OR2G6: variants seen among roughly 807,000 people sequenced by gnomAD.
OR2G6 encodes the protein olfactory receptor family 2 subfamily G member 6, also known as olfactory receptor 2G6.
For synonymous variants in OR2G6, 183 were observed against 155.2 expected, an observed-to-expected ratio of 1.18 and a Z score of -1.33; for missense variants, 457 against 391.3, an observed-to-expected ratio of 1.17 and a Z score of -1.42.
In OR2G6 at chr1:248,520,411, TTA is replaced by T. The variant is rs775185907; in HGVS notation, c.-36-1197_-36-1196del. Reference sequence around the variant, plus strand: ...ACGTTCTGCACATGTACCCTAGAACTTATAGTTTAAAAAAAAGTTTGCTTTGG... The same window carrying T: ...ACGTTCTGCACATGTACCCTAGAACTTAGTTTAAAAAAAAGTTTGCTTTGG... On this transcript the variant is annotated intron_variant, in intron 1 of 1. Coordinates refer to ENST00000641804, the MANE Select transcript of OR2G6 (RefSeq NM_001013355.2). Among the ~76,000 whole-genome samples, 5 of 152,264 alleles carry T rather than the reference TTA, an allele frequency of 3.3e-5. No individual in the cohort carries two copies. In the South Asian group the frequency reaches 8.3e-4, roughly 25 times the overall value.
Position 248,522,147 on chromosome 1 carries a change from C to T in OR2G6, c.501C>T (p.Pro167=). ...LIQCSLTVQL[P]LCGHRTLDHI... ...AGTGCTCCCTCACTGTGCAGCTGCC[C>T]CTCTGTGGTCATCGCACACTGGATC... Residue 167 remains proline, a synonymous_variant, in exon 2 of 2, where the codon CCC becomes CCT. Coordinates refer to ENST00000641804, the MANE Select transcript of OR2G6 (RefSeq NM_001013355.2). 1 of 1,614,148 alleles carries T rather than the reference C, an allele frequency of 6.2e-7. No individual in the cohort carries two copies. The highest frequency in any genetic ancestry group is 8.5e-7 in the Non-Finnish European group (1 of 1,180,026).
At position 248,523,580 on chromosome 1, in the gene OR2G6, T is replaced by C. The variant is rs1487182746; in HGVS notation, c.*983T>C. ...ACGTTAACGATCATAGTTATATGTT[T>C]GGTTTCCAAAACAGCAAAAAAAATG... is the stretch of plus-strand genomic sequence containing the variant. On this transcript the variant is annotated 3_prime_UTR_variant, in exon 2 of 2. Coordinates refer to ENST00000641804, the MANE Select transcript of OR2G6 (RefSeq NM_001013355.2). 1.3e-5 allele frequency: 2 copies of C among 152,212 alleles called. No homozygotes were observed. Among genetic ancestry groups the C allele is most frequent in the Admixed American group, 6.5e-5 (1 of 15,284 alleles). 9.4% of individuals were successfully genotyped at this position (152,212 alleles called of 1,614,324 possible).
At position 248,525,664 on chromosome 1, in the gene OR2G6, C is replaced by T. The variant is rs1160221209; in HGVS notation, c.*3067C>T. 1 of 152,026 alleles carries T rather than the reference C, an allele frequency of 6.6e-6. No homozygotes were observed. 9.4% of individuals were successfully genotyped at this position (152,026 alleles called of 1,614,324 possible). On this transcript the variant is annotated 3_prime_UTR_variant, in exon 2 of 2. Transcript: ENST00000641804. ...TGATACTGTGAAGAAACTGCATTAC[C>T]TAATGTGCAAAATAACCAGCTAGCA...
chr1:248,525,352 C>G lies in OR2G6; in HGVS notation c.*2755C>G, dbSNP rs371095656. On this transcript the variant is annotated 3_prime_UTR_variant, in exon 2 of 2. Transcript: ENST00000641804. ...AAAAAACTATCACTTAGTTAAATGA[C>G]CATTCAGTATTGCAATTATTTAAAA... 4 of 152,202 alleles carry G rather than the reference C, an allele frequency of 2.6e-5. No individual in the cohort carries two copies. Among genetic ancestry groups the G allele is most frequent in the African/African-American group, 7.2e-5 (3 of 41,530 alleles). The allele number at this position is 152,202 out of a possible 1,614,324, so 9.4% of individuals were successfully genotyped here. A position where few individuals can be genotyped will look rare whatever the true frequency, so the allele number is the denominator to read the frequency against.
rs542302468 is a variant in OR2G6 at position 248,523,444 on chromosome 1, A to T, written c.*847A>T. On this transcript the variant is annotated 3_prime_UTR_variant, in exon 2 of 2. Coordinates refer to ENST00000641804, the MANE Select transcript of OR2G6 (RefSeq NM_001013355.2). Reference sequence around the variant, plus strand: ...TATACTAAAATGTGTTTTAACATTTATACAAAATTCATAAAATAAGTTATT... The same window carrying T: ...TATACTAAAATGTGTTTTAACATTTTTACAAAATTCATAAAATAAGTTATT... 75 of 152,328 alleles carry T rather than the reference A, an allele frequency of 4.9e-4. No individual in the cohort carries two copies. Among genetic ancestry groups the T allele is most frequent in the African/African-American group, 1.8e-3 (73 of 41,578 alleles). 9.4% of individuals were successfully genotyped at this position (152,328 alleles called of 1,614,324 possible). A position where few individuals can be genotyped will look rare whatever the true frequency, so the allele number is the denominator to read the frequency against.
In OR2G6 at chr1:248,526,838, GGTT is replaced by G. The variant is rs887010692; in HGVS notation, c.*4242_*4244del. 2 of 141,996 alleles carry G rather than the reference GGTT, an allele frequency of 1.4e-5. No homozygotes were observed. The highest frequency in any genetic ancestry group is 2.9e-5 in the African/African-American group (1 of 34,522). The allele number at this position is 141,996 out of a possible 1,614,324, so 8.8% of individuals were successfully genotyped here. ...CATATCTTTCGCCCACTTTTTGATGGGTTTTTTTTTTCTTGTAAATTTGTTTGA... is the reference window on the plus strand; with the variant it reads ...CATATCTTTCGCCCACTTTTTGATGGTTTTTTTTCTTGTAAATTTGTTTGA... On this transcript the variant is annotated 3_prime_UTR_variant, in exon 2 of 2. Coordinates refer to ENST00000641804, the MANE Select transcript of OR2G6 (RefSeq NM_001013355.2).
Position 248,522,597 on chromosome 1 carries a change from G to A in OR2G6, c.951G>A (p.Ter317=), listed in dbSNP as rs1466957290. 1.3e-6 allele frequency: 2 copies of A among 1,582,490 alleles called. No homozygotes were observed. Among genetic ancestry groups the A allele is most frequent in the African/African-American group, 1.4e-5 (1 of 73,606 alleles). Residue 317 remains the stop codon, a stop_retained_variant, in exon 2 of 2, where the codon TAG becomes TAA. Coordinates refer to ENST00000641804, the MANE Select transcript of OR2G6 (RefSeq NM_001013355.2). ...GSAAGQSHKD[*] ...CTGCTGGACAAAGCCACAAGGACTA[G>A]GAAACACCTGGAATTCTAAACAAGG...
intron 1 of OR2G6, among the ~76,000 whole-genome samples, chr1:248,519,433 T>C (rs1346678420): frequency 6.6e-6 from 1 of 150,570 alleles, no homozygotes; most frequent in Non-Finnish European, 1.5e-5. Flanking sequence ...TGGTATTGCC[T>C]AGGTTTTCTT....
At position 248,523,595 on chromosome 1, in the gene OR2G6, C is replaced by T. The variant is rs1183279451; in HGVS notation, c.*998C>T. 1 of 151,476 alleles carries T rather than the reference C, an allele frequency of 6.6e-6. No homozygotes were observed. Among genetic ancestry groups the T allele is most frequent in the Non-Finnish European group, 1.5e-5 (1 of 67,828 alleles). 9.4% of individuals were successfully genotyped at this position (151,476 alleles called of 1,614,324 possible). On this transcript the variant is annotated 3_prime_UTR_variant, in exon 2 of 2. Transcript: ENST00000641804. ...GTTATATGTTTGGTTTCCAAAACAG[C>T]AAAAAAAATGAAATATTTAGAAGCA...
Position 248,526,382 on chromosome 1 carries a change from G to C in OR2G6, c.*3785G>C, listed in dbSNP as rs1325423537. The C allele has an allele frequency of 6.6e-6, 1 of 152,180 alleles. No homozygotes were observed. Among genetic ancestry groups the C allele is most frequent in the Non-Finnish European group, 1.5e-5 (1 of 68,032 alleles). 9.4% of individuals were successfully genotyped at this position (152,180 alleles called of 1,614,324 possible). On this transcript the variant is annotated 3_prime_UTR_variant, in exon 2 of 2. Coordinates refer to ENST00000641804, the MANE Select transcript of OR2G6 (RefSeq NM_001013355.2). ...GGAAAGGAGAGTTTCTTCAATAAAT[G>C]TCCTGGAACAGTAATCAGCAGCTGG...
rs996651161 is a variant in OR2G6 at position 248,522,821 on chromosome 1, G to C, written c.*224G>C. 5.9e-6 allele frequency: 3 copies of C among 508,506 alleles called. No homozygotes were observed. The highest frequency in any genetic ancestry group is 1.0e-5 in the Non-Finnish European group (3 of 294,174). The allele number at this position is 508,506 out of a possible 1,614,324, so 31.5% of individuals were successfully genotyped here. A position where few individuals can be genotyped will look rare whatever the true frequency, so the allele number is the denominator to read the frequency against. ...TAGGAAGCATTGGAATTCTAAAGAA[G>C]AGAAACACACCAAAGCAGCATGAGG... On this transcript the variant is annotated 3_prime_UTR_variant, in exon 2 of 2. Transcript: ENST00000641804.
chr1:248,520,885 T>C lies in OR2G6; in HGVS notation c.-36-726T>C, dbSNP rs560359440. Among the ~76,000 whole-genome samples the C allele has an allele frequency of 3.5e-3, 491 of 139,372 alleles. 2 individuals carry two copies. The highest frequency in any genetic ancestry group is 0.012 in the African/African-American group (441 of 36,122). The allele number at this position is 139,372 out of a possible 152,430, so 91.4% of individuals were successfully genotyped here. ...ATATATATATAAAAATATATATATA[T>C]ACACACAAAAATTAGCGGGCATGGG... On this transcript the variant is annotated intron_variant, in intron 1 of 1. Transcript: ENST00000641804.
In OR2G6 at chr1:248,521,976, T is replaced by C. The variant is rs1558372151; in HGVS notation, c.330T>C (p.Ser110=). 3 of 1,614,074 alleles carry C rather than the reference T, an allele frequency of 1.9e-6. No individual in the cohort carries two copies. Among genetic ancestry groups the C allele is most frequent in the Admixed American group, 3.3e-5 (2 of 60,000 alleles). The change falls in exon 2 of 2, where the codon TCT becomes TCC. Residue 110 remains serine, a synonymous_variant. Coordinates refer to ENST00000641804, the MANE Select transcript of OR2G6 (RefSeq NM_001013355.2). ...ATGTGGCCATGGGGTTGGGCTCGTC[T>C]GAGTGTATTCTCTTGGCCGTCATGG... ...QLYVAMGLGS[S]ECILLAVMAY...
Position 248,527,317 on chromosome 1 carries a change from T to A in OR2G6, c.*4720T>A, listed in dbSNP as rs1376124327. On this transcript the variant is annotated 3_prime_UTR_variant, in exon 2 of 2. Transcript: ENST00000641804. ...GATAGTTGAAGATGTGTGGTATTAT[T>A]TCGGAGGGTTCTGTTCTGTTCCATT... 2 of 152,192 alleles carry A rather than the reference T, an allele frequency of 1.3e-5. No individual in the cohort carries two copies. Among genetic ancestry groups the A allele is most frequent in the African/African-American group, 4.8e-5 (2 of 41,438 alleles). 9.4% of individuals were successfully genotyped at this position (152,192 alleles called of 1,614,324 possible).
rs187576637 is a variant in OR2G6 at position 248,523,565 on chromosome 1, T to C, written c.*968T>C. ...CCCACACACTGTCTCACGTTAACGA[T>C]CATAGTTATATGTTTGGTTTCCAAA... On this transcript the variant is annotated 3_prime_UTR_variant, in exon 2 of 2. Transcript: ENST00000641804. 338 of 152,324 alleles carry C rather than the reference T, an allele frequency of 2.2e-3. 2 individuals are homozygous for C. The highest frequency in any genetic ancestry group is 7.4e-3 in the African/African-American group (306 of 41,574). 9.4% of individuals were successfully genotyped at this position (152,324 alleles called of 1,614,324 possible). A position where few individuals can be genotyped will look rare whatever the true frequency, so the allele number is the denominator to read the frequency against.
chr1:248,520,414 T>C (rs1037310503), intron 1 of OR2G6, among the ~76,000 whole-genome samples: 2 of 150,926 alleles, frequency 1.3e-5, no homozygotes, highest in African/African-American at 2.5e-5. Context: ...CTAGAACTTA[T>C]AGTTTAAAAA....
At chr1:248,520,988 G>C (rs1192129457) in intron 1 of OR2G6, among the ~76,000 whole-genome samples, 2 of 143,410 alleles carry the variant, frequency 1.4e-5, no homozygotes, top group Non-Finnish European at 3.0e-5. Flanking sequence ...TTTGCAGTGA[G>C]CAGAGATTGT....
Position 248,522,712 on chromosome 1 carries a change from T to C in OR2G6, c.*115T>C. On this transcript the variant is annotated 3_prime_UTR_variant, in exon 2 of 2. Transcript: ENST00000641804. Reference sequence around the variant, plus strand: ...CACAGGGACTAGGAAGCATTGGAATTCTAAAGAAGGGAAACACCTCAAGGC... The same window carrying C: ...CACAGGGACTAGGAAGCATTGGAATCCTAAAGAAGGGAAACACCTCAAGGC... The C allele has an allele frequency of 1.4e-6, 1 of 690,714 alleles. No individual in the cohort carries two copies. The highest frequency in any genetic ancestry group is 2.0e-5 in the South Asian group (1 of 50,456). 42.8% of individuals were successfully genotyped at this position (690,714 alleles called of 1,614,324 possible).
chr1:248,522,296 C>G lies in OR2G6; in HGVS notation c.650C>G (p.Ser217Cys). The change falls in exon 2 of 2, where the codon TCC (serine) becomes TGC (cysteine). Residue 217 changes from serine to cysteine, a missense_variant. Coordinates refer to ENST00000641804, the MANE Select transcript of OR2G6 (RefSeq NM_001013355.2). ...LIVPVLLILV[S>C]YGFITQAVLR... Reference sequence around the variant, plus strand: ...GTCCCGGTGTTACTCATCTTAGTCTCCTATGGCTTTATCACTCAAGCTGTG... The same window carrying G: ...GTCCCGGTGTTACTCATCTTAGTCTGCTATGGCTTTATCACTCAAGCTGTG... 6.2e-7 allele frequency: 1 copy of G among 1,614,192 alleles called. No homozygotes were observed. Among genetic ancestry groups the G allele is most frequent in the Non-Finnish European group, 8.5e-7 (1 of 1,180,038 alleles).
Sources: gnomAD v4.1 joint callset for allele counts (sites outside exome capture counted in the v4.1 genomes callset) on GRCh38, gnomAD v4.1.1 for gene constraint, MANE v1.5 for transcripts, NCBI Gene and HGNC (gene_info 2026-07-23, HGNC 2026-07-21) for gene names.